SWT1: variants seen among roughly 807,000 people sequenced by gnomAD.
SWT1 encodes the protein transcriptional protein SWT1.
A neutral mutation model predicts 107.3 loss-of-function variants in SWT1; 33 were observed. The ratio of observed to expected loss-of-function variants is 0.31; its 90% CI spans 0.23 to 0.41. SWT1 has a LOEUF of 0.41. Among genes scored for constraint, SWT1 ranks in the 10% least tolerant of loss-of-function variants. The probability of loss-of-function intolerance (pLI) is 1.00; values close to 1 mark genes in which losing one functional copy is unlikely to be tolerated. For missense variants in SWT1, 898 were observed against 1,028.9 expected (o/e 0.87, Z 1.74); for synonymous variants, 345 against 348.3 (o/e 0.99, Z 0.11).
chr1:185,265,925 C>T (rs1663339484), intron 16 of SWT1, among the ~76,000 whole-genome samples: 1 of 152,038 alleles, frequency 6.6e-6, no homozygotes, highest in Non-Finnish European at 1.5e-5. Flanking sequence ...ACACTCTCTA[C>T]AACTGTTTTA....
At chr1:185,244,060 TAC>T (rs1365133930) in intron 16 of SWT1, among the ~76,000 whole-genome samples, 2 of 152,006 alleles carry the variant, frequency 1.3e-5, no homozygotes, top group African/African-American at 2.4e-5. Flanking sequence ...GAAAGGGAAA[TAC>T]ACTCATACAT....
chr1:185,258,662 A>G (rs1437499576), intron 16 of SWT1, among the ~76,000 whole-genome samples: 1 of 152,248 alleles, frequency 6.6e-6, no homozygotes, highest in Non-Finnish European at 1.5e-5. Flanking sequence ...CCTCTTGGAA[A>G]TGGGAAGTCT....
intron 10 of SWT1, among the ~76,000 whole-genome samples, chr1:185,201,684 C>T (rs1265365927): frequency 2.0e-5 from 3 of 152,192 alleles, no homozygotes; most frequent in African/African-American, 4.8e-5. Context: ...CAGACTGGAG[C>T]TGTTCCTATT....
chr1:185,265,410 G>T (rs1392144095), intron 16 of SWT1, among the ~76,000 whole-genome samples: 1 of 151,922 alleles, frequency 6.6e-6, no homozygotes, highest in South Asian at 2.1e-4. Flanking sequence ...CCCCCCAAAC[G>T]TGCTCTAAGA....
intron 15 of SWT1, among the ~76,000 whole-genome samples, chr1:185,225,883 A>G (rs994192103): frequency 4.6e-5 from 7 of 152,238 alleles, no homozygotes; most frequent in African/African-American, 1.4e-4. Context: ...AAATACTTCT[A>G]TTTAGTGTGC....
chr1:185,158,142 C>G (rs1294603040), intron 1 of SWT1, among the ~76,000 whole-genome samples: 1 of 152,152 alleles, frequency 6.6e-6, no homozygotes, highest in East Asian at 1.9e-4. Context: ...CGCCAATCTT[C>G]TTGGTCTATT....
intron 16 of SWT1, among the ~76,000 whole-genome samples, chr1:185,235,980 A>G (rs1405860865): frequency 1.3e-5 from 2 of 152,224 alleles, no homozygotes; most frequent in Non-Finnish European, 2.9e-5. Context: ...TAGGAATACA[A>G]CTTTTACAAG....
chr1:185,224,091 A>G (rs1261963453), intron 15 of SWT1, among the ~76,000 whole-genome samples: 1 of 152,192 alleles, frequency 6.6e-6, no homozygotes, highest in Non-Finnish European at 1.5e-5. Context: ...AGTTTCTTAC[A>G]TATTCTGGAT....
chr1:185,182,368 A>T (rs192837137), intron 7 of SWT1, among the ~76,000 whole-genome samples: 1 of 152,312 alleles, frequency 6.6e-6, no homozygotes, highest in African/African-American at 2.4e-5. Flanking sequence ...TAAAGCACTG[A>T]TCAGAAATAA....
chr1:185,246,911 G>A (rs1661654111), intron 16 of SWT1, among the ~76,000 whole-genome samples: 1 of 152,166 alleles, frequency 6.6e-6, no homozygotes, highest in Admixed American at 6.5e-5. Flanking sequence ...TTACAGGTGT[G>A]AGCCACCATG....
chr1:185,223,821 C>A (rs569337796), intron 15 of SWT1, among the ~76,000 whole-genome samples: 2 of 152,242 alleles, frequency 1.3e-5, no homozygotes, highest in African/African-American at 4.8e-5. Flanking sequence ...TCCAATAGGC[C>A]CCAGTGTTCA....
intron 16 of SWT1, among the ~76,000 whole-genome samples, chr1:185,232,959 G>C (rs895138005): frequency 6.6e-6 from 1 of 152,164 alleles, no homozygotes; most frequent in Non-Finnish European, 1.5e-5. Flanking sequence ...ATTCATATGT[G>C]TCAGCAAGGT....
At chr1:185,262,940 G>A (rs372553544) in intron 16 of SWT1, among the ~76,000 whole-genome samples, 7 of 151,756 alleles carry the variant, frequency 4.6e-5, no homozygotes, top group Non-Finnish European at 5.9e-5. Context: ...GGCGTGTGCC[G>A]TCATCCTGGG....
At chr1:185,219,413 A>G (rs902206965) in intron 14 of SWT1, among the ~76,000 whole-genome samples, 2 of 152,226 alleles carry the variant, frequency 1.3e-5, no homozygotes, top group African/African-American at 4.8e-5. Context: ...GAGAAAGTAC[A>G]TAACAAATGC....
At chr1:185,254,373 C>A (rs1476284137) in intron 16 of SWT1, among the ~76,000 whole-genome samples, 1 of 133,380 alleles carries the variant, frequency 7.5e-6, no homozygotes, top group East Asian at 2.2e-4. Flanking sequence ...CCTCCTTGTA[C>A]CTCTGGTAGA....
intron 16 of SWT1, among the ~76,000 whole-genome samples, chr1:185,269,991 TAGA>T (rs1282422718): frequency 6.6e-6 from 1 of 152,206 alleles, no homozygotes; most frequent in Non-Finnish European, 1.5e-5. Context: ...GCATCTTTAT[TAGA>T]TGATGATGAT....
intron 1 of SWT1, among the ~76,000 whole-genome samples, chr1:185,160,212 G>A (rs1020596839): frequency 1.3e-5 from 2 of 152,190 alleles, no homozygotes; most frequent in African/African-American, 4.8e-5. Context: ...GGGTGGTGAA[G>A]AATATAGCAG....
chr1:185,224,949 C>T (rs1235682264), intron 15 of SWT1, among the ~76,000 whole-genome samples: 6 of 152,020 alleles, frequency 3.9e-5, no homozygotes, highest in Non-Finnish European at 8.8e-5. Flanking sequence ...GATGCCCTTC[C>T]TTTCCTTTTC....
rs960610413 is a variant in SWT1, at chr1:185,229,155, G to A, written c.2310-2422G>A. Among the ~76,000 whole-genome samples the A allele has an allele frequency of 2.6e-5, 4 of 152,162 alleles. No individual in the cohort carries two copies. The East Asian group carries it at 5.8e-4, about 22-fold the overall frequency. On this transcript the variant is annotated intron_variant, in intron 15 of 18. Transcript: ENST00000367500. ...CTGTGAAGTGATGAGGGTGAGGCAG[G>A]AAGAGGGCGAGATACCGGTTTAGGT...
Sources: allele counts gnomAD v4.1 joint callset (sites outside exome capture counted in the v4.1 genomes callset), GRCh38; gene constraint gnomAD v4.1.1; transcripts MANE v1.5; gene names NCBI Gene and HGNC (gene_info 2026-07-23, HGNC 2026-07-21).